FGF13: variants seen among roughly 807,000 people sequenced by gnomAD.
The protein encoded by FGF13 is fibroblast growth factor 13.
A neutral mutation model predicts 19.5 loss-of-function variants in FGF13; 2 were observed. The ratio of observed to expected loss-of-function variants is 0.10; its 90% CI spans 0.04 to 0.32. FGF13 has a LOEUF of 0.32. Ranked by LOEUF, FGF13 falls within the 10% of genes least tolerant of loss-of-function variation. The probability of loss-of-function intolerance (pLI) is 1.00; values close to 1 mark genes in which losing one functional copy is unlikely to be tolerated. For synonymous variants in FGF13, 72 were observed against 76.9 expected, an observed-to-expected ratio of 0.94 and a Z score of 0.33; for missense variants, 113 against 192.7, an observed-to-expected ratio of 0.59 and a Z score of 2.45.
At chrX:139,049,399 C>T (rs191862687) in intron 1 of FGF13, among the ~76,000 whole-genome samples, 21 of 111,891 alleles carry the variant, frequency 1.9e-4, no homozygotes, top group African/African-American at 6.5e-4. Flanking sequence ...TATAACGAAC[C>T]TAACTTTGTA....
At chrX:139,016,085 C>T (rs936863810) in intron 1 of FGF13, among the ~76,000 whole-genome samples, 3 of 111,551 alleles carry the variant, frequency 2.7e-5, no homozygotes, top group Admixed American at 9.5e-5. Context: ...TGAAACTGCC[C>T]ATCTCCTTGT....
intron 1 of FGF13, among the ~76,000 whole-genome samples, chrX:139,081,159 T>C (rs1359446729): frequency 9.0e-6 from 1 of 110,797 alleles, no homozygotes; most frequent in East Asian, 2.9e-4. Flanking sequence ...TCATCCCCAC[T>C]ACACTACTAA....
chrX:138,711,332 C>G lies in FGF13; in HGVS notation c.-329G>C, dbSNP rs1481763485. 3.6e-6 allele frequency: 3 copies of G among 835,582 alleles called. No homozygotes were observed. The highest frequency in any genetic ancestry group is 4.4e-5 in the African/African-American group (2 of 45,671). The allele number at this position is 835,582 out of a possible 1,213,427, so 68.9% of individuals were successfully genotyped here. On this transcript the variant is annotated 5_prime_UTR_variant, in exon 1 of 5. Coordinates refer to ENST00000315930, the MANE Select transcript of FGF13 (RefSeq NM_004114.5). ...ACTGCGTGTGGTCGGCCCCTGCGCC[C>G]GGCGGACACCGTGCATGTCCAGCTG...
intron 1 of FGF13, among the ~76,000 whole-genome samples, chrX:139,182,504 A>T (rs1488561229): frequency 1.8e-5 from 2 of 112,176 alleles, no homozygotes; most frequent in African/African-American, 3.2e-5. Context: ...AACGTTCTGT[A>T]ATATTTTCAT....
chrX:138,952,881 C>A (rs1312853006), intron 1 of FGF13, among the ~76,000 whole-genome samples: 1 of 110,378 alleles, frequency 9.1e-6, no homozygotes, highest in African/African-American at 3.3e-5. Context: ...CAATGAGATA[C>A]CACCTCACAC....
chrX:138,863,952 C>G (rs909455657), intron 2 of FGF13, among the ~76,000 whole-genome samples: 2 of 111,938 alleles, frequency 1.8e-5, no homozygotes, highest in East Asian at 5.6e-4. Flanking sequence ...ATATTCGAAG[C>G]CTGATAATTC....
chrX:138,749,448 G>A (rs922290092), intron 3 of FGF13, among the ~76,000 whole-genome samples: 2 of 110,750 alleles, frequency 1.8e-5, no homozygotes, highest in African/African-American at 3.3e-5. Context: ...ACAGGGGGGC[G>A]GGTACCCATG....
chrX:139,198,935 G>C (rs992974983), intron 1 of FGF13, among the ~76,000 whole-genome samples: 2 of 112,277 alleles, frequency 1.8e-5, no homozygotes, highest in African/African-American at 6.5e-5. Flanking sequence ...ATTCAAAAAA[G>C]TGATAAAATG....
chrX:138,715,397 T>C (rs764349562), upstream of FGF13, among the ~76,000 whole-genome samples: 1 of 112,552 alleles, frequency 8.9e-6, no homozygotes, highest in South Asian at 3.7e-4. Context: ...AATCTAAAAG[T>C]AATGAAAAGT....
At chrX:138,733,060 A>G (rs1458987182) in intron 1 of FGF13, among the ~76,000 whole-genome samples, 1 of 111,886 alleles carries the variant, frequency 8.9e-6, no homozygotes, top group Non-Finnish European at 1.9e-5. Flanking sequence ...TATAGAAATA[A>G]TGTAGTTAGA....
At chrX:138,719,542 T>G (rs868289363) in intron 1 of FGF13, among the ~76,000 whole-genome samples, 33 of 111,944 alleles carry the variant, frequency 2.9e-4, no homozygotes, top group African/African-American at 1.0e-3. Context: ...CCATCACTAC[T>G]TAGCAGAGAC....
At chrX:139,128,596 A>G (rs2083735937) in intron 1 of FGF13, among the ~76,000 whole-genome samples, 1 of 112,638 alleles carries the variant, frequency 8.9e-6, no homozygotes, top group Admixed American at 9.4e-5. Flanking sequence ...ACATGGAGTA[A>G]AACTGCAGGT....
chrX:138,958,307 T>G lies in FGF13; in HGVS notation c.-112-93657A>C, dbSNP rs762502326. On this transcript the variant is annotated intron_variant, in intron 1 of 2. Transcript: ENST00000421460. ...ATCATGTGGTTTTTGTCTTTGGTTC[T>G]GTTTATATGATGGACTACGTTTATT... Among the ~76,000 whole-genome samples the G allele has an allele frequency of 7.1e-5, 8 of 112,140 alleles. No individual in the cohort carries two copies. The South Asian group carries it at 2.3e-3, about 32-fold the overall frequency.
intron 1 of FGF13, among the ~76,000 whole-genome samples, chrX:138,951,416 C>A (rs1280127967): frequency 9.0e-6 from 1 of 111,578 alleles, no homozygotes; most frequent in Non-Finnish European, 1.9e-5. Flanking sequence ...AATTAGGCAT[C>A]ATCAAAATTG....
intron 1 of FGF13, among the ~76,000 whole-genome samples, chrX:138,956,943 G>A (rs1162416520): frequency 9.0e-6 from 1 of 111,494 alleles, no homozygotes; most frequent in Non-Finnish European, 1.9e-5. Flanking sequence ...CATAGCTTTC[G>A]TCAGATTATC....
intron 1 of FGF13, among the ~76,000 whole-genome samples, chrX:138,972,867 ATTGAG>A (rs746176747): frequency 2.3e-4 from 25 of 108,358 alleles, no homozygotes; most frequent in African/African-American, 7.0e-4. Flanking sequence ...TATTTTTGCT[ATTGAG>A]TTGAGTTTCT....
intron 1 of FGF13, among the ~76,000 whole-genome samples, chrX:139,177,658 C>A (rs1021343970): frequency 1.8e-5 from 2 of 111,397 alleles, no homozygotes; most frequent in African/African-American, 6.5e-5. Flanking sequence ...TCTTAGCTTG[C>A]GGGGCTCCAT....
intron 1 of FGF13, among the ~76,000 whole-genome samples, chrX:138,978,036 T>C: frequency 9.0e-6 from 1 of 111,454 alleles, no homozygotes; most frequent in Non-Finnish European, 1.9e-5. Context: ...TCATATCAAA[T>C]AGCAGCTATC....
At position 138,865,460 on chromosome X, in the gene FGF13, TCTCTCTCTCTCTC is replaced by T. The variant is rs1270649604; in HGVS notation, c.-112-823_-112-811del. ...TCTCTCTCTCTCTCTCCTCTCTCTC[TCTCTCTCTCTCTC>T]CTCTCTCTCTCTCCTCTCTCTCTCC... On this transcript the variant is annotated intron_variant, in intron 1 of 2. Transcript: ENST00000421460. 1.1e-3 allele frequency among the ~76,000 whole-genome samples: 90 copies of T among 80,225 alleles called. 2 individuals carry two copies. Among genetic ancestry groups the T allele is most frequent in the South Asian group, 7.0e-3 (11 of 1,566 alleles). The allele number at this position is 80,225 out of a possible 115,157, so 69.7% of individuals were successfully genotyped here.
Sources: allele counts gnomAD v4.1 joint callset (sites outside exome capture counted in the v4.1 genomes callset), GRCh38; gene constraint gnomAD v4.1.1; transcripts MANE v1.5; gene names NCBI Gene and HGNC (gene_info 2026-07-23, HGNC 2026-07-21).